CSMD1: variants seen among roughly 807,000 people sequenced by gnomAD.
The protein encoded by CSMD1 is CUB and Sushi multiple domains 1.
CSMD1 carries 213 observed loss-of-function variants against 417.5 expected under a neutral mutation model. The ratio of observed to expected loss-of-function variants is 0.51; its 90% CI spans 0.46 to 0.57. The LOEUF (loss-of-function observed/expected upper bound fraction) is 0.57, where lower values mean the gene tolerates loss of function less well. Ranked by LOEUF, CSMD1 falls within the 20% of genes least tolerant of loss-of-function variation. The pLI, the probability that CSMD1 is intolerant of heterozygous loss-of-function variation, is 0.00. For missense variants in CSMD1, 6,923 were observed against 4,529.7 expected (o/e 1.53, Z -15.17); for synonymous variants, 2,862 against 1,736.8 (o/e 1.65, Z -16.11).
intron 5 of CSMD1, among the ~76,000 whole-genome samples, chr8:3,975,982 T>C (rs1353798600): frequency 6.6e-6 from 1 of 152,176 alleles, no homozygotes; most frequent in Non-Finnish European, 1.5e-5. Context: ...TTTTAATCTA[T>C]CAGTTTTTAA....
intron 5 of CSMD1, among the ~76,000 whole-genome samples, chr8:3,907,073 G>A (rs369478589): frequency 6.6e-6 from 1 of 152,164 alleles, no homozygotes; most frequent in Non-Finnish European, 1.5e-5. Flanking sequence ...GTCGTAGCTA[G>A]TAATCACATC....
intron 5 of CSMD1, among the ~76,000 whole-genome samples, chr8:3,823,786 A>G (rs1403673783): frequency 6.6e-6 from 1 of 152,180 alleles, no homozygotes; most frequent in Non-Finnish European, 1.5e-5. Flanking sequence ...AGTCTTGGTC[A>G]GTTTAACATA....
intron 25 of CSMD1, among the ~76,000 whole-genome samples, chr8:3,292,113 C>G (rs1001757447): frequency 1.3e-5 from 2 of 152,132 alleles, no homozygotes; most frequent in South Asian, 4.1e-4. Context: ...GCAGGTTGTT[C>G]AGTTTCCATA....
chr8:3,594,987 AG>A (rs760297058), intron 8 of CSMD1, among the ~76,000 whole-genome samples: 4 of 152,236 alleles, frequency 2.6e-5, no homozygotes, highest in Middle Eastern at 3.2e-3. Flanking sequence ...GGCTTTAGGA[AG>A]AAAAACACAA....
Position 3,223,996 on chromosome 8 carries a change from G to T in CSMD1, c.4346-129C>A, listed in dbSNP as rs779256599. 9.0e-6 allele frequency: 7 copies of T among 775,066 alleles called. No individual in the cohort carries two copies. The East Asian group carries it at 1.9e-4, about 21-fold the overall frequency. The allele number at this position is 775,066 out of a possible 1,614,324, so 48.0% of individuals were successfully genotyped here. A position where few individuals can be genotyped will look rare whatever the true frequency, so the allele number is the denominator to read the frequency against. ...AGCATTTTTACCAGTCCAAGAGATT[G>T]TGTGTTGGTTATCAATTATCCTGAT... On this transcript the variant is annotated intron_variant, in intron 27 of 69. Coordinates refer to ENST00000635120, the MANE Select transcript of CSMD1 (RefSeq NM_033225.6).
intron 1 of CSMD1, among the ~76,000 whole-genome samples, chr8:4,932,993 C>T (rs1307245936): frequency 6.6e-6 from 1 of 152,070 alleles, no homozygotes; most frequent in Admixed American, 6.6e-5. Context: ...ATAAAAGAAA[C>T]TTACAATAAA....
intron 3 of CSMD1, among the ~76,000 whole-genome samples, chr8:4,232,409 G>A (rs576126860): frequency 2.0e-5 from 3 of 152,120 alleles, no homozygotes; most frequent in Non-Finnish European, 4.4e-5. Flanking sequence ...ACGTTGGCCA[G>A]CTTGGTCTTG....
intron 26 of CSMD1, among the ~76,000 whole-genome samples, chr8:3,254,887 C>T (rs1585813041): frequency 6.6e-6 from 1 of 152,176 alleles, no homozygotes; most frequent in East Asian, 1.9e-4. Context: ...AGTCATTCTC[C>T]ATCCAGCTTT....
chr8:3,607,105 A>C (rs1801655889), intron 8 of CSMD1, among the ~76,000 whole-genome samples: 1 of 152,148 alleles, frequency 6.6e-6, no homozygotes, highest in Non-Finnish European at 1.5e-5. Flanking sequence ...GTTTTTTCTT[A>C]ATATTTTTAT....
intron 1 of CSMD1, among the ~76,000 whole-genome samples, chr8:4,793,894 G>T (rs756967518): frequency 6.6e-6 from 1 of 151,462 alleles, no homozygotes; most frequent in East Asian, 1.9e-4. Flanking sequence ...TGATCAGGTA[G>T]CATGTCTGAT....
At chr8:4,717,133 A>G (rs1413498148) in intron 1 of CSMD1, among the ~76,000 whole-genome samples, 1 of 151,814 alleles carries the variant, frequency 6.6e-6, no homozygotes, top group East Asian at 1.9e-4. Flanking sequence ...GAAAATAATC[A>G]TTAGGAAAAA....
intron 54 of CSMD1, among the ~76,000 whole-genome samples, chr8:2,979,402 G>A (rs990390807): frequency 6.6e-6 from 1 of 152,238 alleles, no homozygotes; most frequent in African/African-American, 2.4e-5. Flanking sequence ...CGGCATGCGG[G>A]ACATGCTGTG....
intron 6 of CSMD1, among the ~76,000 whole-genome samples, chr8:3,730,168 C>G (rs549269352): frequency 1.3e-5 from 2 of 151,922 alleles, no homozygotes; most frequent in African/African-American, 2.4e-5. Flanking sequence ...TCCTTCCATT[C>G]CCCCAAAATC....
intron 61 of CSMD1, 38 bp downstream of exon 61, chr8:2,962,428 A>G (rs1803569805): frequency 6.4e-7 from 1 of 1,567,058 alleles, no homozygotes; most frequent in Non-Finnish European, 8.7e-7. Flanking sequence ...ATCTCCAAAT[A>G]CTCCCAGGTA....
In CSMD1 at chr8:3,417,846, G is replaced by A. The variant is rs1335174059; in HGVS notation, c.1562-8241C>T. 2.6e-5 allele frequency among the ~76,000 whole-genome samples: 4 copies of A among 152,140 alleles called. No homozygotes were observed. The East Asian group carries it at 5.8e-4, about 22-fold the overall frequency. On this transcript the variant is annotated intron_variant, in intron 12 of 69. Transcript: ENST00000635120. The stretch of plus-strand genomic sequence containing the variant: ...ACAGACCCTGTTTTTTGGAGACAGT[G>A]TGAGAACATGTCCACGCGGTATGGA...
At chr8:4,036,206 C>A (rs1281900176) in intron 3 of CSMD1, among the ~76,000 whole-genome samples, 1 of 152,088 alleles carries the variant, frequency 6.6e-6, no homozygotes, top group Non-Finnish European at 1.5e-5. Context: ...ACAAAATCAC[C>A]TAAGGATGCA....
chr8:3,195,511 T>C (rs548301206), intron 33 of CSMD1, among the ~76,000 whole-genome samples: 5 of 152,232 alleles, frequency 3.3e-5, no homozygotes, highest in Admixed American at 2.0e-4. Context: ...AGAAACAGTT[T>C]GTGTGATGTT....
At chr8:3,242,751 G>A (rs747200155) in intron 26 of CSMD1, among the ~76,000 whole-genome samples, 4 of 151,910 alleles carry the variant, frequency 2.6e-5, no homozygotes, top group Non-Finnish European at 4.4e-5. Context: ...GTAGAGACAT[G>A]GAGGGAAGGG....
intron 3 of CSMD1, among the ~76,000 whole-genome samples, chr8:4,201,873 A>C (rs1799666495): frequency 1.2e-5 from 1 of 81,580 alleles, no homozygotes. Context: ...GATGACCATT[A>C]TACATGGAAA....
Sources: allele counts gnomAD v4.1 joint callset (sites outside exome capture counted in the v4.1 genomes callset), GRCh38; gene constraint gnomAD v4.1.1; transcripts MANE v1.5; gene names NCBI Gene and HGNC (gene_info 2026-07-23, HGNC 2026-07-21).